GRM8: variants seen among roughly 807,000 people sequenced by gnomAD.
GRM8 encodes metabotropic glutamate receptor 8.
GRM8 carries 47 observed loss-of-function variants against 87.2 expected under a neutral mutation model. The ratio of observed to expected loss-of-function variants is 0.54; its 90% CI spans 0.43 to 0.69. GRM8 has a LOEUF of 0.69. Among genes scored for constraint, GRM8 ranks in the 30% least tolerant of loss-of-function variants. The probability of loss-of-function intolerance (pLI) is 0.00; values close to 1 mark genes in which losing one functional copy is unlikely to be tolerated. For synonymous variants in GRM8, 396 were observed against 404.5 expected (o/e 0.98, Z 0.25); for missense variants, 1,019 against 1,139.2 (o/e 0.89, Z 1.52).
intron 7 of GRM8, among the ~76,000 whole-genome samples, chr7:126,757,976 A>C (rs1159206311): frequency 6.6e-6 from 1 of 152,180 alleles, no homozygotes; most frequent in East Asian, 1.9e-4. Flanking sequence ...CAAGAGAAAA[A>C]AGAAAGGGCA....
intron 2 of GRM8, among the ~76,000 whole-genome samples, chr7:127,191,519 A>G (rs373834162): frequency 2.6e-5 from 4 of 152,306 alleles, no homozygotes; most frequent in South Asian, 4.1e-4. Flanking sequence ...TTTCCTGTCT[A>G]TCTGCTAGTG....
chr7:126,510,957 C>T (rs771940388), intron 9 of GRM8, among the ~76,000 whole-genome samples: 1 of 152,060 alleles, frequency 6.6e-6, no homozygotes, highest in South Asian at 2.1e-4. Context: ...GACTCATTAG[C>T]GCCACATCCT....
chr7:127,128,617 C>T (rs1827507927), intron 2 of GRM8, among the ~76,000 whole-genome samples: 1 of 152,132 alleles, frequency 6.6e-6, no homozygotes, highest in Admixed American at 6.6e-5. Context: ...TTGCAACTAT[C>T]TTATAAAGCA....
At chr7:126,595,750 T>C (rs1299719789) in intron 8 of GRM8, among the ~76,000 whole-genome samples, 1 of 152,186 alleles carries the variant, frequency 6.6e-6, no homozygotes, top group African/African-American at 2.4e-5. Context: ...TTATTCAGTC[T>C]ACTGTTGATG....
intron 6 of GRM8, among the ~76,000 whole-genome samples, chr7:126,890,848 C>T (rs184770097): frequency 6.6e-6 from 1 of 152,090 alleles, no homozygotes. Flanking sequence ...TTTCTGAGTC[C>T]TCAAGGCTCT....
chr7:127,120,576 G>C (rs910232562), intron 2 of GRM8, among the ~76,000 whole-genome samples: 1 of 152,146 alleles, frequency 6.6e-6, no homozygotes, highest in Non-Finnish European at 1.5e-5. Flanking sequence ...AATTGGAAAA[G>C]CTCTGCTATA....
At chr7:127,143,713 CA>C in intron 2 of GRM8, among the ~76,000 whole-genome samples, 1 of 152,044 alleles carries the variant, frequency 6.6e-6, no homozygotes, top group Non-Finnish European at 1.5e-5. Context: ...ACATTAAGGG[CA>C]AAGGCTTATT....
At chr7:126,588,987 GC>G (rs1167354009) in intron 8 of GRM8, among the ~76,000 whole-genome samples, 1 of 152,176 alleles carries the variant, frequency 6.6e-6, no homozygotes, top group Non-Finnish European at 1.5e-5. Flanking sequence ...CCCCAGGGAA[GC>G]CATTTCTGAC....
intron 9 of GRM8, among the ~76,000 whole-genome samples, chr7:126,491,887 C>T (rs181353783): frequency 3.9e-5 from 6 of 152,050 alleles, no homozygotes; most frequent in Non-Finnish European, 7.4e-5. Context: ...ATATATATTT[C>T]CACAAGACCT....
intron 7 of GRM8, among the ~76,000 whole-genome samples, chr7:126,633,149 T>C (rs1801508181): frequency 6.6e-6 from 1 of 152,086 alleles, no homozygotes. Context: ...ATGGCTAATA[T>C]ATGCAAATTT....
chr7:127,103,238 T>C (rs1825491277), intron 3 of GRM8, among the ~76,000 whole-genome samples: 1 of 152,214 alleles, frequency 6.6e-6, no homozygotes. Context: ...GGTGGAATGA[T>C]ATAGTTTGGA....
chr7:127,195,031 T>C (rs923212983), intron 2 of GRM8, among the ~76,000 whole-genome samples: 1 of 152,190 alleles, frequency 6.6e-6, no homozygotes, highest in Non-Finnish European at 1.5e-5. Flanking sequence ...ATAGTGATCT[T>C]ATTATAGATC....
intron 2 of GRM8, among the ~76,000 whole-genome samples, chr7:127,164,905 G>C (rs1455631828): frequency 1.3e-5 from 2 of 151,644 alleles, no homozygotes; most frequent in African/African-American, 4.8e-5. Flanking sequence ...CTGCAAAATG[G>C]GACTAATAAC....
At chr7:127,005,279 TC>T (rs1814172774) in intron 3 of GRM8, among the ~76,000 whole-genome samples, 1 of 151,504 alleles carries the variant, frequency 6.6e-6, no homozygotes, top group African/African-American at 2.4e-5. Flanking sequence ...TGCCTGTTGT[TC>T]CCATTTAAAC....
intron 8 of GRM8, among the ~76,000 whole-genome samples, chr7:126,570,051 G>A (rs1193963110): frequency 6.6e-6 from 1 of 152,148 alleles, no homozygotes; most frequent in Non-Finnish European, 1.5e-5. Context: ...GATTTTCACT[G>A]TAACTCTTCC....
intron 6 of GRM8, among the ~76,000 whole-genome samples, chr7:126,783,315 C>G (rs1314458929): frequency 6.6e-6 from 1 of 152,160 alleles, no homozygotes; most frequent in African/African-American, 2.4e-5. Context: ...ACCTGAATTT[C>G]TTTCTCAAGA....
chr7:126,911,416 T>C (rs532155612), intron 3 of GRM8, among the ~76,000 whole-genome samples: 1 of 152,300 alleles, frequency 6.6e-6, no homozygotes, highest in African/African-American at 2.4e-5. Flanking sequence ...AATATCTGAG[T>C]TGAAATTAGA....
chr7:127,124,138 A>C (rs2133193991), intron 2 of GRM8, among the ~76,000 whole-genome samples: 1 of 152,254 alleles, frequency 6.6e-6, no homozygotes, highest in African/African-American at 2.4e-5. Context: ...TCAACTCCTC[A>C]TCCAACTCCA....
Position 126,899,893 on chromosome 7 carries a change from C to A in GRM8, c.1156+2649G>T, listed in dbSNP as rs180743167. ...TCTATTCTGTTCTCTCTCAACCCCT[C>A]TAATTTGGTTACCCAGGCACACCCT... is the stretch of plus-strand genomic sequence containing the variant. On this transcript the variant is annotated intron_variant, in intron 6 of 10. Transcript: ENST00000339582. 5.9e-5 allele frequency among the ~76,000 whole-genome samples: 9 copies of A among 152,200 alleles called. No homozygotes were observed. In the East Asian group the frequency reaches 1.7e-3, roughly 30 times the overall value.
Sources: gnomAD v4.1 joint callset for allele counts (sites outside exome capture counted in the v4.1 genomes callset) on GRCh38, gnomAD v4.1.1 for gene constraint, MANE v1.5 for transcripts, NCBI Gene and HGNC (gene_info 2026-07-23, HGNC 2026-07-21) for gene names.